The following KIAA1328 variants were observed in gnomAD, a reference collection of about 807,000 sequenced individuals.
The protein encoded by KIAA1328 is protein hinderin.
Under a neutral mutation model 68.1 loss-of-function variants are expected in KIAA1328, and 52 were observed. The ratio of observed to expected loss-of-function variants is 0.76; its 90% CI spans 0.61 to 0.96. The LOEUF is 0.96. Ranked by LOEUF, KIAA1328 falls within the 40% of genes least tolerant of loss-of-function variation. The pLI, the probability that KIAA1328 is intolerant of heterozygous loss-of-function variation, is 0.00. For synonymous variants in KIAA1328, 232 were observed against 239.4 expected, an observed-to-expected ratio of 0.97 and a Z score of 0.28; for missense variants, 641 against 677.6, an observed-to-expected ratio of 0.95 and a Z score of 0.60.
At chr18:36,871,450 G>A (rs1196699039) in intron 4 of KIAA1328, among the ~76,000 whole-genome samples, 1 of 151,922 alleles carries the variant, frequency 6.6e-6, no homozygotes, top group African/African-American at 2.4e-5. Flanking sequence ...GGTGTCTGCA[G>A]GTTTCTCCAC....
downstream of KIAA1328, chr18:37,230,683 G>A (rs1035075005): frequency 6.6e-6 from 1 of 152,290 alleles, no homozygotes; most frequent in East Asian, 1.9e-4. Flanking sequence ...CCAAAGTCCA[G>A]TACCCTTTGG....
chr18:37,137,371 T>C (rs902011348), intron 7 of KIAA1328, among the ~76,000 whole-genome samples: 5 of 152,116 alleles, frequency 3.3e-5, no homozygotes, highest in African/African-American at 1.2e-4. Flanking sequence ...AAAAAAACCC[T>C]CATTTTTGCC....
chr18:37,011,973 G>T (rs779378993), intron 6 of KIAA1328, among the ~76,000 whole-genome samples: 1 of 151,974 alleles, frequency 6.6e-6, no homozygotes, highest in African/African-American at 2.4e-5. Flanking sequence ...AAAAAAAAAG[G>T]CCGCATTTTT....
intron 4 of KIAA1328, among the ~76,000 whole-genome samples, chr18:36,863,856 A>G (rs563919523): frequency 6.6e-6 from 1 of 152,294 alleles, no homozygotes; most frequent in African/African-American, 2.4e-5. Context: ...GTCTGTTGAT[A>G]TTGACTCCTG....
intron 8 of KIAA1328, among the ~76,000 whole-genome samples, chr18:37,166,058 A>G (rs1395207303): frequency 2.3e-5 from 3 of 131,232 alleles, no homozygotes; most frequent in Non-Finnish European, 1.6e-5. Context: ...TTTTTTTGGT[A>G]ATGACCTTGT....
chr18:37,114,049 C>G (rs2058027459), intron 7 of KIAA1328, among the ~76,000 whole-genome samples: 2 of 152,160 alleles, frequency 1.3e-5, no homozygotes, highest in South Asian at 4.1e-4. Flanking sequence ...GACTCCCACA[C>G]AATAATAATG....
chr18:37,117,491 C>T (rs2058145834), intron 7 of KIAA1328, among the ~76,000 whole-genome samples: 1 of 151,966 alleles, frequency 6.6e-6, no homozygotes, highest in South Asian at 2.1e-4. Flanking sequence ...TGGGGCCTGT[C>T]ATGGGATTGG....
At chr18:36,989,290 A>G (rs376143330) in intron 6 of KIAA1328, among the ~76,000 whole-genome samples, 85 of 152,334 alleles carry the variant, frequency 5.6e-4, no homozygotes, top group African/African-American at 1.9e-3. Flanking sequence ...TAAAATTTGT[A>G]GCCATCAGTG....
chr18:37,175,106 T>C (rs2059574867), intron 9 of KIAA1328, among the ~76,000 whole-genome samples: 1 of 152,232 alleles, frequency 6.6e-6, no homozygotes, highest in Admixed American at 6.5e-5. Flanking sequence ...CTCAGAGGGT[T>C]TCCATCCTAG....
chr18:37,210,062 C>G (rs1279900723), intron 9 of KIAA1328, among the ~76,000 whole-genome samples: 1 of 151,802 alleles, frequency 6.6e-6, no homozygotes, highest in Non-Finnish European at 1.5e-5. Flanking sequence ...CACAAAAAAT[C>G]AAAAAAGGAA....
intron 6 of KIAA1328, among the ~76,000 whole-genome samples, chr18:36,993,356 A>G (rs2053265728): frequency 6.6e-6 from 1 of 152,170 alleles, no homozygotes; most frequent in Non-Finnish European, 1.5e-5. Flanking sequence ...TATATATTTT[A>G]TGTTTGTAGA....
At chr18:37,159,096 T>A (rs2154211170) in intron 7 of KIAA1328, among the ~76,000 whole-genome samples, 1 of 152,328 alleles carries the variant, frequency 6.6e-6, no homozygotes, top group Middle Eastern at 3.4e-3. Flanking sequence ...TTGTGCCTAC[T>A]TTATAAAGCC....
intron 9 of KIAA1328, among the ~76,000 whole-genome samples, chr18:37,181,088 T>G (rs928559641): frequency 6.6e-6 from 1 of 152,282 alleles, no homozygotes; most frequent in South Asian, 2.1e-4. Context: ...GGCTGAGAAC[T>G]GTAATTTTAG....
At chr18:36,965,915 C>CAA (rs1355288401) in intron 6 of KIAA1328, among the ~76,000 whole-genome samples, 2 of 136,042 alleles carry the variant, frequency 1.5e-5, no homozygotes, top group Admixed American at 7.4e-5. Context: ...TTCTAATTGA[C>CAA]AAAAAAAAAA....
At chr18:37,068,703 A>C (rs1005303646) in intron 7 of KIAA1328, among the ~76,000 whole-genome samples, 1 of 152,174 alleles carries the variant, frequency 6.6e-6, no homozygotes, top group African/African-American at 2.4e-5. Flanking sequence ...AGTTCTTCAT[A>C]TCTTCTAGAT....
chr18:37,218,227 A>G (rs1431297017), intron 9 of KIAA1328, among the ~76,000 whole-genome samples: 1 of 152,262 alleles, frequency 6.6e-6, no homozygotes, highest in South Asian at 2.1e-4. Flanking sequence ...TATAAATGCT[A>G]TGCCAGACAG....
chr18:36,991,580 G>A (rs1203914634), intron 6 of KIAA1328, among the ~76,000 whole-genome samples: 1 of 152,128 alleles, frequency 6.6e-6, no homozygotes, highest in African/African-American at 2.4e-5. Flanking sequence ...AATGAATTCA[G>A]TTTCAGTTAT....
At chr18:36,987,425 T>TATA (rs1371414488) in intron 6 of KIAA1328, among the ~76,000 whole-genome samples, 1 of 146,934 alleles carries the variant, frequency 6.8e-6, no homozygotes, top group African/African-American at 2.5e-5. Flanking sequence ...GCATGGCACA[T>TATA]GTATACATAT....
chr18:36,885,742 A>T (rs772184978), intron 5 of KIAA1328, 70 bp downstream of exon 5: 2 of 1,027,454 alleles, frequency 1.9e-6, no homozygotes, highest in South Asian at 3.1e-5. Flanking sequence ...TTTGAGACGA[A>T]ATCTCGCTCT....
Sources: gnomAD v4.1 joint callset for allele counts (sites outside exome capture counted in the v4.1 genomes callset) on GRCh38, gnomAD v4.1.1 for gene constraint, MANE v1.5 for transcripts, NCBI Gene and HGNC (gene_info 2026-07-23, HGNC 2026-07-21) for gene names.